Variants in HES7 observed in about 807,000 individuals in gnomAD.
HES7 encodes the protein transcription factor HES-7.
A neutral mutation model predicts 18.0 loss-of-function variants in HES7; 8 were observed. The ratio of observed to expected loss-of-function variants is 0.45; its 90% CI spans 0.26 to 0.80. The LOEUF (loss-of-function observed/expected upper bound fraction) is 0.80, where lower values mean the gene tolerates loss of function less well. HES7 is among the 30% of genes least tolerant of loss of function. HES7 has a pLI of 0.18. For missense variants in HES7, 356 were observed against 340.9 expected, an observed-to-expected ratio of 1.04 and a Z score of -0.35; for synonymous variants, 170 against 158.6, an observed-to-expected ratio of 1.07 and a Z score of -0.54.
chr17:8,124,671 A>G (rs539453867), upstream of HES7, among the ~76,000 whole-genome samples: 2 of 152,324 alleles, frequency 1.3e-5, no homozygotes, highest in South Asian at 4.1e-4. Context: ...CTCTGCGGAC[A>G]GGGCACTTGT....
In HES7 at chr17:8,121,976, G is replaced by C; in HGVS notation, c.288C>G (p.Cys96Trp). The stretch of plus-strand genomic sequence containing the variant: ...GGCACTCGCGGAAACCGGACAAGTA[G>C]CAGCTGGCGAGCGCCTCGGCGTCCT... ...PVQDAEALAS[C>W]YLSGFRECLL... is the part of the protein sequence containing the mutation. Residue 96 changes from cysteine to tryptophan, a missense_variant, in exon 4 of 4, where the codon TGC (cysteine) becomes TGG (tryptophan). Coordinates refer to ENST00000541682, the MANE Select transcript of HES7 (RefSeq NM_001165967.2). The C allele has an allele frequency of 6.5e-7, 1 of 1,544,198 alleles. No homozygotes were observed. Among genetic ancestry groups the C allele is most frequent in the Non-Finnish European group, 8.7e-7 (1 of 1,155,056 alleles).
chr17:8,125,960 C>G (rs1232367189), upstream of HES7, among the ~76,000 whole-genome samples: 1 of 152,242 alleles, frequency 6.6e-6, no homozygotes, highest in Non-Finnish European at 1.5e-5. Context: ...CAGGCCTAAA[C>G]GATTCCGCAC....
In HES7 at chr17:8,122,473, G is replaced by A. The variant is rs1483431006; in HGVS notation, c.139-43C>T. ...GGGCGCAGAGACAGAAAGGGGTGGGGAGAAAGGGGGAAAGTGGCAGGGGGA... is the reference window on the plus strand; with the variant it reads ...GGGCGCAGAGACAGAAAGGGGTGGGAAGAAAGGGGGAAAGTGGCAGGGGGA... On this transcript the variant is annotated intron_variant, in intron 2 of 3. Transcript: ENST00000541682. The surrounding 1 kb of genome is among the most constrained non-coding windows in gnomAD (Gnocchi z 6.9). 5 of 1,294,072 alleles carry A rather than the reference G, an allele frequency of 3.9e-6. No individual in the cohort carries two copies. Among genetic ancestry groups the A allele is most frequent in the African/African-American group, 3.0e-5 (2 of 67,422 alleles). The allele number at this position is 1,294,072 out of a possible 1,614,324, so 80.2% of individuals were successfully genotyped here. A position where few individuals can be genotyped will look rare whatever the true frequency, so the allele number is the denominator to read the frequency against.
In HES7 at chr17:8,122,046, G is replaced by A. The variant is rs1981374596; in HGVS notation, c.227-9C>T. On this transcript the variant is annotated splice_polypyrimidine_tract_variant and intron_variant, in intron 3 of 3. Transcript: ENST00000541682. The surrounding 1 kb of genome is among the most constrained non-coding windows in gnomAD (Gnocchi z 6.9). Reference sequence around the variant, plus strand: ...CCCTGGAGCCGCGGCGGCTGGTGCGGCCGGCGGGAGCACAGGTGGGCAGGG... The same window carrying A: ...CCCTGGAGCCGCGGCGGCTGGTGCGACCGGCGGGAGCACAGGTGGGCAGGG... The A allele has an allele frequency of 1.3e-6, 2 of 1,496,906 alleles. No individual in the cohort carries two copies. Among genetic ancestry groups the A allele is most frequent in the Non-Finnish European group, 1.8e-6 (2 of 1,131,992 alleles). 92.7% of individuals were successfully genotyped at this position (1,496,906 alleles called of 1,614,324 possible). A position where few individuals can be genotyped will look rare whatever the true frequency, so the allele number is the denominator to read the frequency against.
Position 8,122,957 on chromosome 17 carries a change from TC to T in HES7, c.138+73del. On this transcript the variant is annotated intron_variant, in intron 2 of 3. Coordinates refer to ENST00000541682, the MANE Select transcript of HES7 (RefSeq NM_001165967.2). This position sits in a 1 kb window ranked among gnomAD's most constrained non-coding sequence, Gnocchi z 6.9. ...GCCAGGGTTGCCAACCAAGCTTGTG[TC>T]CCCACCCCAGTGGGAAGCCCTGGGA... 1 of 1,237,862 alleles carries T rather than the reference TC, an allele frequency of 8.1e-7. No individual in the cohort carries two copies. Among genetic ancestry groups the T allele is most frequent in the Non-Finnish European group, 1.2e-6 (1 of 861,064 alleles). The allele number at this position is 1,237,862 out of a possible 1,614,324, so 76.7% of individuals were successfully genotyped here.
In HES7 at chr17:8,121,978, A is replaced by T. The variant is rs749089405; in HGVS notation, c.286T>A (p.Cys96Ser). 9.7e-5 allele frequency: 150 copies of T among 1,540,968 alleles called. No individual in the cohort carries two copies. Among genetic ancestry groups the T allele is most frequent in the Non-Finnish European group, 1.3e-4 (148 of 1,153,364 alleles). ...PVQDAEALAS[C>S]YLSGFRECLL... Reference sequence around the variant, plus strand: ...CACTCGCGGAAACCGGACAAGTAGCAGCTGGCGAGCGCCTCGGCGTCCTGG... The same window carrying T: ...CACTCGCGGAAACCGGACAAGTAGCTGCTGGCGAGCGCCTCGGCGTCCTGG... The change falls in exon 4 of 4, where the codon TGC becomes AGC. Residue 96 changes from cysteine (C) to serine (S), a missense_variant. By Grantham distance (112) the Cys-to-Ser change is moderately radical (BLOSUM62 -1). Transcript: ENST00000541682.
rs894721168 is a variant in HES7 at position 8,123,231 on chromosome 17, C to G, written c.43-105G>C. The G allele has an allele frequency of 3.5e-6, 3 of 848,278 alleles. No individual in the cohort carries two copies. The South Asian group carries it at 4.3e-5, about 12-fold the overall frequency. 52.5% of individuals were successfully genotyped at this position (848,278 alleles called of 1,614,324 possible). On this transcript the variant is annotated intron_variant, in intron 1 of 3. Transcript: ENST00000541682. This position sits in a 1 kb window ranked among gnomAD's most constrained non-coding sequence, Gnocchi z 5.9. ...GGGAGAGCCCGGCTTCCACCCCGGC[C>G]ACAAGACCCCAGATTGCCTAGGGCC...
In HES7 at chr17:8,121,343, A is replaced by G. The variant is rs1981306031; in HGVS notation, c.*228T>C. The G allele has an allele frequency of 2.6e-6, 1 of 389,068 alleles. No homozygotes were observed. The highest frequency in any genetic ancestry group is 1.4e-4 in the South Asian group (1 of 7,182). 24.1% of individuals were successfully genotyped at this position (389,068 alleles called of 1,614,324 possible). On this transcript the variant is annotated 3_prime_UTR_variant, in exon 4 of 4. Transcript: ENST00000541682. ...CTGGGCTGAGGGGCAGAGAGAGTACAATCCTAGACGCAAGGGAGAAGTTGG... is the reference window on the plus strand; with the variant it reads ...CTGGGCTGAGGGGCAGAGAGAGTACGATCCTAGACGCAAGGGAGAAGTTGG...
chr17:8,122,252 C>A lies in HES7; in HGVS notation c.226+91G>T. The A allele has an allele frequency of 8.5e-7, 1 of 1,178,298 alleles. No homozygotes were observed. The highest frequency in any genetic ancestry group is 1.2e-6 in the Non-Finnish European group (1 of 814,500). The allele number at this position is 1,178,298 out of a possible 1,614,324, so 73.0% of individuals were successfully genotyped here. On this transcript the variant is annotated intron_variant, in intron 3 of 3. Transcript: ENST00000541682. This position sits in a 1 kb window ranked among gnomAD's most constrained non-coding sequence, Gnocchi z 6.9. ...CAGAACCGGCCACTCCCCAAGCCCA[C>A]CATCCACCGCAGGGCCCGCCCACTC... is the stretch of plus-strand genomic sequence containing the variant.
rs1042162448 is a variant in HES7 at position 8,122,052 on chromosome 17, G to A, written c.227-15C>T. Reference sequence around the variant, plus strand: ...AGCCGCGGCGGCTGGTGCGGCCGGCGGGAGCACAGGTGGGCAGGGCAGGGG... The same window carrying A: ...AGCCGCGGCGGCTGGTGCGGCCGGCAGGAGCACAGGTGGGCAGGGCAGGGG... On this transcript the variant is annotated splice_polypyrimidine_tract_variant and intron_variant, in intron 3 of 3. Coordinates refer to ENST00000541682, the MANE Select transcript of HES7 (RefSeq NM_001165967.2). The surrounding 1 kb of genome is among the most constrained non-coding windows in gnomAD (Gnocchi z 6.9). 4.7e-6 allele frequency: 7 copies of A among 1,494,382 alleles called. No individual in the cohort carries two copies. In the Admixed American group the frequency reaches 1.3e-4, roughly 29 times the overall value. 92.6% of individuals were successfully genotyped at this position (1,494,382 alleles called of 1,614,324 possible). A position where few individuals can be genotyped will look rare whatever the true frequency, so the allele number is the denominator to read the frequency against.
chr17:8,121,668 G>A lies in HES7; in HGVS notation c.596C>T (p.Thr199Ile), dbSNP rs1365151656. 2.3e-6 allele frequency: 3 copies of A among 1,329,562 alleles called. No individual in the cohort carries two copies. The highest frequency in any genetic ancestry group is 9.5e-7 in the Non-Finnish European group (1 of 1,047,154). 82.4% of individuals were successfully genotyped at this position (1,329,562 alleles called of 1,614,324 possible). A position where few individuals can be genotyped will look rare whatever the true frequency, so the allele number is the denominator to read the frequency against. The change falls in exon 4 of 4, where the codon ACC becomes ATC. Residue 199 changes from threonine (T) to isoleucine (I), a missense_variant. By Grantham distance (89) the Thr-to-Ile change is moderately conservative. Transcript: ENST00000541682. ...CGGCGGTGGCGGCGGCAGCAGTCCG[G>A]TGAGGGGCGCCGGCGCGCCAGAATC... Reference protein sequence around the residue: ...AGDSGAPAPLTGLLPPPPPPH... With the variant: ...AGDSGAPAPLIGLLPPPPPPH...
upstream of HES7, among the ~76,000 whole-genome samples, chr17:8,125,791 C>CG (rs1323463099): frequency 2.6e-5 from 4 of 152,202 alleles, no homozygotes; most frequent in Non-Finnish European, 4.4e-5. Flanking sequence ...ACGCGGGAGG[C>CG]CCGGGTTCGA....
upstream of HES7, among the ~76,000 whole-genome samples, chr17:8,125,657 C>A (rs1981567007): frequency 1.3e-5 from 2 of 152,148 alleles, no homozygotes; most frequent in African/African-American, 4.8e-5. Flanking sequence ...CCATTCGGGA[C>A]CACTTCCCTG....
At chr17:8,124,111 G>GT (rs1341365229), upstream of HES7, 1 of 1,613,874 alleles carries the variant, frequency 6.2e-7, no homozygotes, top group Non-Finnish European at 8.5e-7. Context: ...GTGTGGACCG[G>GT]TTCCCTGCTC....
rs1235250238 is a variant in HES7 at position 8,122,125 on chromosome 17, G to A, written c.227-88C>T. On this transcript the variant is annotated intron_variant, in intron 3 of 3. Coordinates refer to ENST00000541682, the MANE Select transcript of HES7 (RefSeq NM_001165967.2). This position sits in a 1 kb window ranked among gnomAD's most constrained non-coding sequence, Gnocchi z 6.9. ...GCGGGGCGCAGAGATACCAAGGCCG[G>A]ACAGGCGCACAGAGACAGGAAGCCA... The A allele has an allele frequency of 7.3e-6, 9 of 1,226,708 alleles. No homozygotes were observed. Among genetic ancestry groups the A allele is most frequent in the Non-Finnish European group, 7.7e-6 (7 of 905,020 alleles). The allele number at this position is 1,226,708 out of a possible 1,614,324, so 76.0% of individuals were successfully genotyped here.
rs2151853848 is a variant in HES7, at chr17:8,122,268, C to T, written c.226+75G>A. The T allele has an allele frequency of 1.5e-6, 2 of 1,311,196 alleles. No homozygotes were observed. Among genetic ancestry groups the T allele is most frequent in the Non-Finnish European group, 2.1e-6 (2 of 933,524 alleles). The allele number at this position is 1,311,196 out of a possible 1,614,324, so 81.2% of individuals were successfully genotyped here. ...CCAAGCCCACCATCCACCGCAGGGCCCGCCCACTCTGCCCCGGCCGGAGCC... is the reference window on the plus strand; with the variant it reads ...CCAAGCCCACCATCCACCGCAGGGCTCGCCCACTCTGCCCCGGCCGGAGCC... On this transcript the variant is annotated intron_variant, in intron 3 of 3. Coordinates refer to ENST00000541682, the MANE Select transcript of HES7 (RefSeq NM_001165967.2). This position sits in a 1 kb window ranked among gnomAD's most constrained non-coding sequence, Gnocchi z 6.9.
Position 8,123,289 on chromosome 17 carries a change from C to T in HES7, c.43-163G>A. ...TTCGATCCCTCTCCGCTCCCCCTCC[C>T]AATGCCCCTAGATCAGTTTCTGTAG... On this transcript the variant is annotated intron_variant, in intron 1 of 3. Coordinates refer to ENST00000541682, the MANE Select transcript of HES7 (RefSeq NM_001165967.2). This position sits in a 1 kb window ranked among gnomAD's most constrained non-coding sequence, Gnocchi z 5.9. 1 of 644,810 alleles carries T rather than the reference C, an allele frequency of 1.6e-6. No homozygotes were observed. Among genetic ancestry groups the T allele is most frequent in the Non-Finnish European group, 2.8e-6 (1 of 355,654 alleles). The allele number at this position is 644,810 out of a possible 1,614,324, so 39.9% of individuals were successfully genotyped here.
At chr17:8,124,476 C>A (rs1157465665), upstream of HES7, among the ~76,000 whole-genome samples, 1 of 152,178 alleles carries the variant, frequency 6.6e-6, no homozygotes. Flanking sequence ...AAGTTAGCAC[C>A]TCTCAGCCCC....
Position 8,123,040 on chromosome 17 carries a change from G to C in HES7, c.129C>G (p.Thr43=), listed in dbSNP as rs1434188231. 4 of 1,598,754 alleles carry C rather than the reference G, an allele frequency of 2.5e-6. No individual in the cohort carries two copies. Among genetic ancestry groups the C allele is most frequent in the Non-Finnish European group, 2.6e-6 (3 of 1,172,962 alleles). Residue 43 remains threonine, a synonymous_variant, in exon 2 of 4, where the codon ACC becomes ACG. Coordinates refer to ENST00000541682, the MANE Select transcript of HES7 (RefSeq NM_001165967.2). The surrounding 1 kb of genome is among the most constrained non-coding windows in gnomAD (Gnocchi z 5.9). ...TAGCGGAGGGACTGACCTGGTCCCG[G>C]GTCCGCTCCAGCAGCAGCAGCCTCA... ...EELRLLLLER[T]RDQNLRNPKL... is the part of the protein sequence containing the mutation.
Sources: gnomAD v4.1 joint callset for allele counts (sites outside exome capture counted in the v4.1 genomes callset) on GRCh38, gnomAD v4.1.1 for gene constraint, Gnocchi (gnomAD v3.1) non-coding constraint, MANE v1.5 for transcripts, NCBI Gene and HGNC (gene_info 2026-07-23, HGNC 2026-07-21) for gene names.